Variants in DUSP16 observed in about 807,000 individuals in gnomAD.
DUSP16 encodes the protein dual specificity protein phosphatase 16.
In DUSP16, 21 loss-of-function variants were observed where a neutral mutation model predicts 58.3. That is an observed-to-expected ratio of 0.36 (90% confidence interval 0.26 to 0.52). The LOEUF is 0.52. Among genes scored for constraint, DUSP16 ranks in the 20% least tolerant of loss-of-function variants. The pLI is 0.94. For synonymous variants in DUSP16, 320 were observed against 323.8 expected (o/e 0.99, Z 0.12); for missense variants, 726 against 819.0 (o/e 0.89, Z 1.39).
intron 3 of DUSP16, among the ~76,000 whole-genome samples, chr12:12,517,586 C>G (rs769362143): frequency 7.2e-5 from 11 of 152,274 alleles, no homozygotes; most frequent in Admixed American, 2.0e-4. Context: ...CCTACCCTGA[C>G]GAAAAAATTC....
rs1943469301 is a variant in DUSP16 at position 12,477,403 on chromosome 12, A to G, written c.1428T>C (p.Pro476=). The change falls in exon 7 of 7, where the codon CCT becomes CCC. Residue 476 remains proline (P), a synonymous_variant. Coordinates refer to ENST00000298573, the MANE Select transcript of DUSP16 (RefSeq NM_030640.3). The surrounding 1 kb of genome is among the most constrained non-coding windows in gnomAD (Gnocchi z 4.1). ...SIPKKLQTAR[P]SDSQSKRLHS... ...GCAATCGCTTGCTCTGGCTGTCTGAAGGCCTGGCGGTCTGCAGCTTCTTGG... is the reference window on the plus strand; with the variant it reads ...GCAATCGCTTGCTCTGGCTGTCTGAGGGCCTGGCGGTCTGCAGCTTCTTGG... 1 of 1,612,242 alleles carries G rather than the reference A, an allele frequency of 6.2e-7. No homozygotes were observed.
In DUSP16 at chr12:12,500,556, T is replaced by C. The variant is rs150403725; in HGVS notation, c.494A>G (p.Asn165Ser). The C allele has an allele frequency of 1.6e-4, 258 of 1,611,692 alleles. No homozygotes were observed. Among genetic ancestry groups the C allele is most frequent in the Middle Eastern group, 6.6e-4 (4 of 6,050 alleles). ...ATCTCGCTGGCAGCCAAGATAAAGA[T>C]TGGGAAGAATTCGGGTTGGCCCAAT... ...ANIGPTRILPNLYLGCQRDVL... is the reference protein window; with the variant it reads ...ANIGPTRILPSLYLGCQRDVL... The change falls in exon 4 of 7, where the codon AAT becomes AGT. Residue 165 changes from asparagine (N) to serine (S), a missense_variant. Asn to Ser is a conservative substitution (Grantham distance 46, BLOSUM62 1). Transcript: ENST00000298573.
chr12:12,552,864 T>A (rs1372458206), intron 1 of DUSP16, among the ~76,000 whole-genome samples: 1 of 152,146 alleles, frequency 6.6e-6, no homozygotes, highest in Non-Finnish European at 1.5e-5. Context: ...CACTGCAACC[T>A]CTGCCTCCCG....
intron 1 of DUSP16, among the ~76,000 whole-genome samples, chr12:12,525,291 CAG>C (rs1253807918): frequency 6.7e-6 from 1 of 150,120 alleles, no homozygotes; most frequent in Non-Finnish European, 1.5e-5. Flanking sequence ...TTTTTTGAGA[CAG>C]AGTTTCACTC....
At chr12:12,485,006 T>C (rs1414939314) in intron 5 of DUSP16, among the ~76,000 whole-genome samples, 1 of 150,276 alleles carries the variant, frequency 6.7e-6, no homozygotes, top group African/African-American at 2.5e-5. Context: ...GGGGTTTGTT[T>C]GTGATTTTTT....
chr12:12,519,537 T>C (rs1592190607), intron 3 of DUSP16, among the ~76,000 whole-genome samples: 1 of 152,148 alleles, frequency 6.6e-6, no homozygotes, highest in African/African-American at 2.4e-5. Flanking sequence ...CATCATTTGG[T>C]GTTCTTACAT....
At chr12:12,550,249 G>A (rs1271102946) in intron 1 of DUSP16, among the ~76,000 whole-genome samples, 1 of 150,876 alleles carries the variant, frequency 6.6e-6, no homozygotes, top group Non-Finnish European at 1.5e-5. Flanking sequence ...CTCCAGCCTG[G>A]GTGACAGAGT....
Position 12,475,757 on chromosome 12 carries a change from C to A in DUSP16, c.*1076G>T, listed in dbSNP as rs1565961759. ...ATAATTTACCTCCCTAGGAAGTTTC[C>A]TATAAAATTCTGCCATATTATTACA... is the stretch of plus-strand genomic sequence containing the variant. On this transcript the variant is annotated 3_prime_UTR_variant, in exon 7 of 7. Transcript: ENST00000298573. 6.6e-6 allele frequency: 1 copy of A among 152,160 alleles called. No homozygotes were observed. Among genetic ancestry groups the A allele is most frequent in the Admixed American group, 6.5e-5 (1 of 15,284 alleles). The allele number at this position is 152,160 out of a possible 1,614,324, so 9.4% of individuals were successfully genotyped here. A position where few individuals can be genotyped will look rare whatever the true frequency, so the allele number is the denominator to read the frequency against.
chr12:12,477,773 C>G lies in DUSP16; in HGVS notation c.1058G>C (p.Arg353Thr). ...DSATSEAAGQ[R>T]PVHPASVPSV... is the part of the protein sequence containing the mutation. ...GGGCACGCTGGCGGGATGCACGGGC[C>G]TTTGTCCTGCTGCCTCTGAGGTAGC... is the stretch of plus-strand genomic sequence containing the variant. The change falls in exon 7 of 7, where the codon AGG becomes ACG. Residue 353 changes from arginine (R) to threonine (T), a missense_variant. By Grantham distance (71) the Arg-to-Thr change is moderately conservative (BLOSUM62 -1). Coordinates refer to ENST00000298573, the MANE Select transcript of DUSP16 (RefSeq NM_030640.3). The surrounding 1 kb of genome is among the most constrained non-coding windows in gnomAD (Gnocchi z 4.1). 1 of 1,613,916 alleles carries G rather than the reference C, an allele frequency of 6.2e-7. No individual in the cohort carries two copies. Among genetic ancestry groups the G allele is most frequent in the South Asian group, 1.1e-5 (1 of 91,088 alleles).
intron 1 of DUSP16, among the ~76,000 whole-genome samples, chr12:12,559,343 CTTT>C (rs1364114543): frequency 6.6e-6 from 1 of 152,186 alleles, no homozygotes; most frequent in African/African-American, 2.4e-5. Context: ...CCTGTGAAAT[CTTT>C]TTAACTAGTT....
At chr12:12,547,475 A>AATACATTG (rs1555169562) in intron 1 of DUSP16, among the ~76,000 whole-genome samples, 6 of 150,918 alleles carry the variant, frequency 4.0e-5, no homozygotes, top group Non-Finnish European at 7.4e-5. Context: ...AAAAAAAGAA[A>AATACATTG]ATACATTGTC....
intron 1 of DUSP16, among the ~76,000 whole-genome samples, chr12:12,543,852 T>C (rs958439135): frequency 1.3e-5 from 2 of 151,950 alleles, no homozygotes; most frequent in African/African-American, 4.8e-5. Context: ...ATGAGGCCAG[T>C]TATTTGTATT....
At chr12:12,537,039 A>G (rs2136247409) in intron 1 of DUSP16, among the ~76,000 whole-genome samples, 1 of 152,332 alleles carries the variant, frequency 6.6e-6, no homozygotes, top group East Asian at 1.9e-4. Flanking sequence ...GCAAAACTCC[A>G]TCTCAAAAAA....
chr12:12,477,174 G>A lies in DUSP16; in HGVS notation c.1657C>T (p.Leu553=), dbSNP rs1943461657. ...ILAPQTSTPS[L]TSSWYFATES... is the part of the protein sequence containing the mutation. ...GTGGCAAAATACCAGCTGCTGGTCA[G>A]GGAAGGGGTAGAGGTCTGGGGGGCC... Residue 553 remains leucine, a synonymous_variant, in exon 7 of 7, where the codon CTG becomes TTG. Coordinates refer to ENST00000298573, the MANE Select transcript of DUSP16 (RefSeq NM_030640.3). This position sits in a 1 kb window ranked among gnomAD's most constrained non-coding sequence, Gnocchi z 4.1. 6.2e-7 allele frequency: 1 copy of A among 1,614,254 alleles called. No individual in the cohort carries two copies. Among genetic ancestry groups the A allele is most frequent in the Non-Finnish European group, 8.5e-7 (1 of 1,180,050 alleles).
chr12:12,494,759 T>TAAA (rs1943806305), intron 4 of DUSP16, among the ~76,000 whole-genome samples: 1 of 152,100 alleles, frequency 6.6e-6, no homozygotes. Flanking sequence ...AGGTAAGAAC[T>TAAA]AAAAAGGTGG....
At chr12:12,555,571 T>C (rs923374666) in intron 1 of DUSP16, among the ~76,000 whole-genome samples, 12 of 152,344 alleles carry the variant, frequency 7.9e-5, no homozygotes, top group Admixed American at 4.6e-4. Flanking sequence ...AAATATTAAT[T>C]ATCTTGCCAT....
At chr12:12,547,382 C>T (rs899443561) in intron 1 of DUSP16, among the ~76,000 whole-genome samples, 2 of 150,250 alleles carry the variant, frequency 1.3e-5, no homozygotes, top group Non-Finnish European at 3.0e-5. Flanking sequence ...GCCGAGATAG[C>T]GCCACTGCAC....
In DUSP16 at chr12:12,492,392, G is replaced by A. The variant is rs560223927; in HGVS notation, c.532-5205C>T. Among the ~76,000 whole-genome samples the A allele has an allele frequency of 2.6e-5, 4 of 152,154 alleles. No homozygotes were observed. In the South Asian group the frequency reaches 6.2e-4, roughly 24 times the overall value. ...CATTTACCCATCTCTCAGCAAATGCGCCCAGATATAATGCCTTCCCACCTG... is the reference window on the plus strand; with the variant it reads ...CATTTACCCATCTCTCAGCAAATGCACCCAGATATAATGCCTTCCCACCTG... On this transcript the variant is annotated intron_variant, in intron 4 of 6. Transcript: ENST00000298573.
In DUSP16 at chr12:12,473,827, C is replaced by T. The variant is rs1354862517; in HGVS notation, c.*3006G>A. 6.6e-6 allele frequency among the ~76,000 whole-genome samples: 1 copy of T among 152,204 alleles called. No homozygotes were observed. Among genetic ancestry groups the T allele is most frequent in the Non-Finnish European group, 1.5e-5 (1 of 68,048 alleles). Reference sequence around the variant, plus strand: ...GACAGCTCTTCAACAATTGCCCTTCCTGTTTTTCCTGTAGGAATCGTAACA... The same window carrying T: ...GACAGCTCTTCAACAATTGCCCTTCTTGTTTTTCCTGTAGGAATCGTAACA... On this transcript the variant is annotated 3_prime_UTR_variant, in exon 7 of 7. Coordinates refer to ENST00000298573, the MANE Select transcript of DUSP16 (RefSeq NM_030640.3).
Sources: allele counts gnomAD v4.1 joint callset (sites outside exome capture counted in the v4.1 genomes callset), GRCh38; gene constraint gnomAD v4.1.1; non-coding constraint Gnocchi (gnomAD v3.1); transcripts MANE v1.5; gene names NCBI Gene and HGNC (gene_info 2026-07-23, HGNC 2026-07-21).